Variants in RSU1 observed in about 807,000 individuals in gnomAD.
The protein encoded by RSU1 is Ras suppressor protein 1.
A neutral mutation model predicts 31.1 loss-of-function variants in RSU1; 26 were observed. That is an observed-to-expected ratio of 0.84 (90% CI 0.61 to 1.16). RSU1 has a LOEUF of 1.16. RSU1 is among the 50% of genes most tolerant of loss of function. The pLI is 0.00. For missense variants in RSU1, 320 were observed against 339.1 expected, an observed-to-expected ratio of 0.94 and a Z score of 0.44; for synonymous variants, 164 against 136.3, an observed-to-expected ratio of 1.20 and a Z score of -1.41.
chr10:16,650,374 C>A (rs541955003), intron 8 of RSU1, among the ~76,000 whole-genome samples: 1 of 152,098 alleles, frequency 6.6e-6, no homozygotes, highest in Admixed American at 6.5e-5. Context: ...CTCAAAATAG[C>A]GCTGACCTAT....
At chr10:16,779,827 A>G (rs1837612623) in intron 3 of RSU1, among the ~76,000 whole-genome samples, 1 of 152,212 alleles carries the variant, frequency 6.6e-6, no homozygotes, top group Non-Finnish European at 1.5e-5. Context: ...AAACCATAGC[A>G]AAGTCATTCA....
intron 2 of RSU1, among the ~76,000 whole-genome samples, chr10:16,788,668 T>A (rs1837848296): frequency 6.6e-6 from 1 of 152,180 alleles, no homozygotes; most frequent in Non-Finnish European, 1.5e-5. Context: ...AAAACACACC[T>A]CAAGATCCAA....
chr10:16,690,188 T>C (rs564813631), intron 8 of RSU1, among the ~76,000 whole-genome samples: 15 of 152,290 alleles, frequency 9.8e-5, no homozygotes, highest in African/African-American at 3.4e-4. Flanking sequence ...GAGTATTCCA[T>C]CATAATTCTG....
At chr10:16,657,922 G>A (rs763347566) in intron 8 of RSU1, among the ~76,000 whole-genome samples, 24 of 152,210 alleles carry the variant, frequency 1.6e-4, no homozygotes, top group Non-Finnish European at 2.6e-4. Flanking sequence ...ACTGGGAGGC[G>A]GAGGTTGCAG....
At chr10:16,672,583 A>C (rs956797825) in intron 8 of RSU1, among the ~76,000 whole-genome samples, 1 of 151,708 alleles carries the variant, frequency 6.6e-6, no homozygotes, top group Non-Finnish European at 1.5e-5. Context: ...ATGACTCTCA[A>C]AATACTTATG....
At chr10:16,802,836 C>T (rs1365050171) in intron 2 of RSU1, among the ~76,000 whole-genome samples, 2 of 152,064 alleles carry the variant, frequency 1.3e-5, no homozygotes, top group Non-Finnish European at 2.9e-5. Flanking sequence ...ATTCAACACC[C>T]ATAAAAACTC....
At chr10:16,649,410 A>G (rs1834638257) in intron 8 of RSU1, among the ~76,000 whole-genome samples, 1 of 152,202 alleles carries the variant, frequency 6.6e-6, no homozygotes, top group Admixed American at 6.5e-5. Context: ...CAGTCTTTAA[A>G]AGAGAAATAT....
chr10:16,705,765 C>T (rs1835886249), intron 7 of RSU1, among the ~76,000 whole-genome samples: 1 of 152,170 alleles, frequency 6.6e-6, no homozygotes, highest in Non-Finnish European at 1.5e-5. Context: ...GCTGGGATTA[C>T]AGGAGTGAGC....
In RSU1 at chr10:16,653,039, T is replaced by TA. The variant is rs371976953; in HGVS notation, c.731+41983dup. On this transcript the variant is annotated intron_variant, in intron 8 of 8. Transcript: ENST00000345264. ...AACAGAAAAATATACAAGGGAGAGC[T>TA]AAAAAAATCTAGGGAAAAAAATACA... Among the ~76,000 whole-genome samples the TA allele has an allele frequency of 2.6e-3, 393 of 151,874 alleles. 1 individual carries two copies. Among genetic ancestry groups the TA allele is most frequent in the African/African-American group, 8.9e-3 (370 of 41,438 alleles).
At chr10:16,655,831 G>A (rs1013906112) in intron 8 of RSU1, among the ~76,000 whole-genome samples, 5 of 152,012 alleles carry the variant, frequency 3.3e-5, no homozygotes, top group African/African-American at 4.8e-5. Flanking sequence ...GCTATTGCAC[G>A]CCCAATATAT....
chr10:16,754,668 C>G (rs1162389285), intron 5 of RSU1, among the ~76,000 whole-genome samples: 1 of 151,704 alleles, frequency 6.6e-6, no homozygotes, highest in Non-Finnish European at 1.5e-5. Context: ...TTACTAAGTC[C>G]ACTTCAGCCC....
At chr10:16,731,804 T>C (rs1205566530) in intron 7 of RSU1, among the ~76,000 whole-genome samples, 1 of 152,188 alleles carries the variant, frequency 6.6e-6, no homozygotes, top group Non-Finnish European at 1.5e-5. Context: ...ATATCTGTTC[T>C]TGCTCATTTT....
chr10:16,757,799 G>C (rs1034767449), intron 4 of RSU1, among the ~76,000 whole-genome samples: 1 of 152,226 alleles, frequency 6.6e-6, no homozygotes, highest in African/African-American at 2.4e-5. Flanking sequence ...GGACAGCAGA[G>C]AAGACCACAC....
intron 7 of RSU1, among the ~76,000 whole-genome samples, chr10:16,729,989 C>T (rs997039734): frequency 6.6e-6 from 1 of 152,124 alleles, no homozygotes; most frequent in Non-Finnish European, 1.5e-5. Flanking sequence ...TTATTTGGCT[C>T]CTGGTTCCAC....
chr10:16,757,128 T>G (rs1405348573), intron 4 of RSU1, among the ~76,000 whole-genome samples: 4 of 151,740 alleles, frequency 2.6e-5, no homozygotes, highest in South Asian at 2.1e-4. Context: ...TGTGTGTGTG[T>G]GGGCGTGTCT....
chr10:16,759,317 T>C (rs1245521864), intron 4 of RSU1, among the ~76,000 whole-genome samples: 3 of 151,520 alleles, frequency 2.0e-5, no homozygotes, highest in Non-Finnish European at 2.9e-5. Context: ...CTGAGCAACA[T>C]GGCAAAAACC....
intron 5 of RSU1, among the ~76,000 whole-genome samples, chr10:16,753,858 A>G (rs1351521722): frequency 2.6e-5 from 4 of 152,096 alleles, no homozygotes; most frequent in African/African-American, 7.2e-5. Context: ...CCTGGCCTCA[A>G]GCACTCTTTC....
intron 7 of RSU1, among the ~76,000 whole-genome samples, chr10:16,726,545 G>A (rs112782687): frequency 0.074 from 11,223 of 152,094 alleles, 834 homozygotes; most frequent in African/African-American, 0.2. Flanking sequence ...GATTACAGGC[G>A]TGAGCCACTG....
intron 8 of RSU1, among the ~76,000 whole-genome samples, chr10:16,647,662 G>C (rs897217704): frequency 6.6e-6 from 1 of 152,126 alleles, no homozygotes; most frequent in Non-Finnish European, 1.5e-5. Flanking sequence ...GGTTGCCAAG[G>C]GCTGGGGGAA....
Sources: allele counts gnomAD v4.1 joint callset (sites outside exome capture counted in the v4.1 genomes callset), GRCh38; gene constraint gnomAD v4.1.1; transcripts MANE v1.5; gene names NCBI Gene and HGNC (gene_info 2026-07-23, HGNC 2026-07-21).